Variants in PCDH15 observed in about 807,000 individuals in gnomAD.
PCDH15 encodes protocadherin-15.
In PCDH15, 129 loss-of-function variants were observed where a neutral mutation model predicts 178.5. That is an observed-to-expected ratio of 0.72 (90% CI 0.63 to 0.84). The LOEUF (loss-of-function observed/expected upper bound fraction) is 0.84, where lower values mean the gene tolerates loss of function less well. Among genes scored for constraint, PCDH15 ranks in the 40% least tolerant of loss-of-function variants. The probability of loss-of-function intolerance (pLI) is 0.00; values close to 1 mark genes in which losing one functional copy is unlikely to be tolerated. For missense variants in PCDH15, 2,230 were observed against 2,099.9 expected (o/e 1.06, Z -1.21); for synonymous variants, 800 against 732.0 (o/e 1.09, Z -1.50).
At chr10:55,219,714 T>C (rs1840815232) in intron 1 of PCDH15, among the ~76,000 whole-genome samples, 1 of 151,938 alleles carries the variant, frequency 6.6e-6, no homozygotes, top group African/African-American at 2.4e-5. Flanking sequence ...TTAGTTTTTT[T>C]TAAAGACTAA....
In PCDH15 at chr10:54,236,881, C is replaced by G. The variant is rs202138134; in HGVS notation, c.927G>C (p.Gln309His). 1 of 1,613,594 alleles carries G rather than the reference C, an allele frequency of 6.2e-7. No individual in the cohort carries two copies. Among genetic ancestry groups the G allele is most frequent in the African/African-American group, 1.3e-5 (1 of 74,986 alleles). Reference protein sequence around the residue: ...IVTPPIQAIDQDRNIQPPSDR... With the variant: ...IVTPPIQAIDHDRNIQPPSDR... Reference sequence around the variant, plus strand: ...CTGATGGCGGTTGAATATTCCGGTCCTGATCAATGGCTTGGATTGGTGGCG... The same window carrying G: ...CTGATGGCGGTTGAATATTCCGGTCGTGATCAATGGCTTGGATTGGTGGCG... Residue 309 changes from glutamine to histidine, a missense_variant, in exon 9 of 38, where the codon CAG becomes CAC. Transcript: ENST00000644397.
At chr10:55,185,660 C>T (rs560427940) in intron 1 of PCDH15, among the ~76,000 whole-genome samples, 1 of 151,642 alleles carries the variant, frequency 6.6e-6, no homozygotes, top group East Asian at 1.9e-4. Context: ...TTTGACAGGG[C>T]TTCTATTTTT....
upstream of PCDH15, among the ~76,000 whole-genome samples, chr10:54,803,843 TTGA>T (rs897875935): frequency 6.6e-6 from 1 of 152,136 alleles, no homozygotes; most frequent in Non-Finnish European, 1.5e-5. Flanking sequence ...CATTTAAACA[TTGA>T]TGATTAGAAT....
At chr10:54,299,861 C>A (rs1022316830) in intron 8 of PCDH15, among the ~76,000 whole-genome samples, 18 of 152,114 alleles carry the variant, frequency 1.2e-4, no homozygotes, top group African/African-American at 4.3e-4. Flanking sequence ...CTATCTATAC[C>A]AATTCTAAGT....
intron 3 of PCDH15, among the ~76,000 whole-genome samples, chr10:54,484,250 G>C (rs958741291): frequency 6.6e-6 from 1 of 151,766 alleles, no homozygotes; most frequent in Admixed American, 6.6e-5. Flanking sequence ...TTTGCAATTT[G>C]GCTGCTTGAC....
intron 1 of PCDH15, among the ~76,000 whole-genome samples, chr10:55,200,152 A>T (rs1840203392): frequency 6.6e-6 from 1 of 152,118 alleles, no homozygotes; most frequent in African/African-American, 2.4e-5. Flanking sequence ...TTGAAAAGAC[A>T]CAGGCACTCA....
chr10:54,268,760 A>G (rs1285983046), intron 8 of PCDH15, among the ~76,000 whole-genome samples: 2 of 151,936 alleles, frequency 1.3e-5, no homozygotes, highest in African/African-American at 4.8e-5. Context: ...TGTAAATATA[A>G]TTACAGTTCT....
chr10:54,421,816 G>GTATATATA (rs71185272), intron 3 of PCDH15, among the ~76,000 whole-genome samples: 1 of 107,990 alleles, frequency 9.3e-6, no homozygotes, highest in Non-Finnish European at 1.8e-5. Flanking sequence ...TGTAGTGTGT[G>GTATATATA]TATATATATA....
intron 15 of PCDH15, among the ~76,000 whole-genome samples, chr10:54,109,918 T>G (rs952763264): frequency 2.0e-5 from 3 of 152,190 alleles, no homozygotes; most frequent in African/African-American, 4.8e-5. Flanking sequence ...GTGACTATTA[T>G]GCACTGCATT....
intron 11 of PCDH15, among the ~76,000 whole-genome samples, chr10:54,187,417 A>G (rs575028061): frequency 5.3e-5 from 8 of 152,030 alleles, no homozygotes; most frequent in Non-Finnish European, 1.2e-4. Flanking sequence ...ACTGTAGTAT[A>G]ATATGTTTGT....
At chr10:54,357,645 C>T (rs968062265) in intron 5 of PCDH15, among the ~76,000 whole-genome samples, 1 of 152,064 alleles carries the variant, frequency 6.6e-6, no homozygotes, top group Non-Finnish European at 1.5e-5. Flanking sequence ...ACTTTCTTCA[C>T]AGAATTGGAA....
At chr10:54,079,800 A>G (rs1474761249) in intron 16 of PCDH15, among the ~76,000 whole-genome samples, 2 of 152,212 alleles carry the variant, frequency 1.3e-5, no homozygotes, top group Non-Finnish European at 2.9e-5. Flanking sequence ...ATGGTTTCCT[A>G]TAACTAATGT....
intron 25 of PCDH15, among the ~76,000 whole-genome samples, chr10:53,932,418 T>C (rs547243466): frequency 6.6e-6 from 1 of 152,304 alleles, no homozygotes; most frequent in East Asian, 1.9e-4. Context: ...AATACTCCAG[T>C]CATTGTAATT....
chr10:54,176,260 A>T (rs180978922), intron 13 of PCDH15, among the ~76,000 whole-genome samples: 1 of 152,302 alleles, frequency 6.6e-6, no homozygotes, highest in East Asian at 1.9e-4. Context: ...AGGAACTTAC[A>T]GATCAGTAGG....
At chr10:55,238,441 C>T (rs574132634) in intron 1 of PCDH15, among the ~76,000 whole-genome samples, 1 of 152,102 alleles carries the variant, frequency 6.6e-6, no homozygotes, top group South Asian at 2.1e-4. Flanking sequence ...TGAGCCACCG[C>T]GCCCGGCCGC....
At chr10:55,032,112 C>T (rs1001263206) in intron 2 of PCDH15, among the ~76,000 whole-genome samples, 1 of 152,078 alleles carries the variant, frequency 6.6e-6, no homozygotes, top group African/African-American at 2.4e-5. Context: ...GGGGAAGCCT[C>T]AGTTGTCTTA....
At chr10:54,260,976 G>C (rs573862972) in intron 8 of PCDH15, among the ~76,000 whole-genome samples, 1 of 152,116 alleles carries the variant, frequency 6.6e-6, no homozygotes, top group Non-Finnish European at 1.5e-5. Context: ...ATTCTTTACA[G>C]TAATGACCGC....
At chr10:54,334,074 T>C (rs1940483913) in intron 6 of PCDH15, among the ~76,000 whole-genome samples, 1 of 152,172 alleles carries the variant, frequency 6.6e-6, no homozygotes. Flanking sequence ...ATTTAAGTGC[T>C]GACTACCTGC....
intron 2 of PCDH15, among the ~76,000 whole-genome samples, chr10:55,095,009 C>A (rs572784654): frequency 1.3e-5 from 2 of 150,724 alleles, no homozygotes; most frequent in East Asian, 2.0e-4. Flanking sequence ...GCAGCCTCAA[C>A]CACCCTGGCT....
Sources: allele counts gnomAD v4.1 joint callset (sites outside exome capture counted in the v4.1 genomes callset), GRCh38; gene constraint gnomAD v4.1.1; transcripts MANE v1.5; gene names NCBI Gene and HGNC (gene_info 2026-07-23, HGNC 2026-07-21).